OR51B5: variants seen among roughly 807,000 people sequenced by gnomAD.
OR51B5 encodes olfactory receptor family 51 subfamily B member 5.
For synonymous variants in OR51B5, 186 were observed against 144.8 expected (o/e 1.28, Z -2.04); for missense variants, 456 against 374.6 (o/e 1.22, Z -1.79).
Position 5,475,657 on chromosome 11 carries a change from C to T in OR51B5, n.84+29912G>A, listed in dbSNP as rs538065251. On this transcript the variant is annotated intron_variant and non_coding_transcript_variant, in intron 1 of 4. Coordinates refer to the OR51B5 transcript ENST00000415970. ...GATCTAACATAAATGGAAAAGTATGCATTTATTGCCTTTCTTCTATGTTAT... is the reference window on the plus strand; with the variant it reads ...GATCTAACATAAATGGAAAAGTATGTATTTATTGCCTTTCTTCTATGTTAT... 1.2e-3 allele frequency among the ~76,000 whole-genome samples: 181 copies of T among 152,268 alleles called. 1 individual carries two copies. The highest frequency in any genetic ancestry group is 2.0e-3 in the Non-Finnish European group (136 of 68,018).
chr11:5,367,319 C>T (rs1849385166), intron 1 of OR51B5, among the ~76,000 whole-genome samples: 1 of 152,130 alleles, frequency 6.6e-6, no homozygotes, highest in Non-Finnish European at 1.5e-5. Context: ...AAAGTGAAAG[C>T]AAGTTAATTA....
intron 1 of OR51B5, among the ~76,000 whole-genome samples, chr11:5,401,817 T>C (rs558756979): frequency 0.015 from 2,281 of 149,494 alleles, 49 homozygotes; most frequent in African/African-American, 0.05. Flanking sequence ...TTCTTTTCTT[T>C]CTTTTTCTAT....
intron 1 of OR51B5, among the ~76,000 whole-genome samples, chr11:5,373,832 C>G (rs984839032): frequency 2.0e-5 from 3 of 152,214 alleles, no homozygotes; most frequent in African/African-American, 7.2e-5. Flanking sequence ...CCAGGAAGCT[C>G]AAACTGGGTG....
upstream of OR51B5, among the ~76,000 whole-genome samples, chr11:5,347,532 T>A (rs145054543): frequency 2.5e-4 from 38 of 152,334 alleles, no homozygotes; most frequent in East Asian, 6.2e-3. Flanking sequence ...CACTTTGTGA[T>A]GGCAATTATT....
chr11:5,473,907 A>T lies in OR51B5; in HGVS notation n.84+31662T>A, dbSNP rs147281473. Reference sequence around the variant, plus strand: ...AATGTGTGCATGAGAATGGGGAGAGAGTGTGCACGGGAAAGTACCTGTAGT... The same window carrying T: ...AATGTGTGCATGAGAATGGGGAGAGTGTGTGCACGGGAAAGTACCTGTAGT... On this transcript the variant is annotated intron_variant and non_coding_transcript_variant, in intron 1 of 4. Coordinates refer to the OR51B5 transcript ENST00000415970. 6.1e-3 allele frequency among the ~76,000 whole-genome samples: 933 copies of T among 151,750 alleles called. 9 individuals carry two copies. Among genetic ancestry groups the T allele is most frequent in the African/African-American group, 0.021 (859 of 41,380 alleles).
intron 1 of OR51B5, among the ~76,000 whole-genome samples, chr11:5,396,224 A>G (rs867027262): frequency 2.1e-4 from 32 of 152,302 alleles, no homozygotes; most frequent in South Asian, 2.1e-4. Context: ...GGCCCGGGCA[A>G]TCGGGCAGGA....
chr11:5,352,229 C>G, intron 1 of OR51B5: 1 of 1,614,184 alleles, frequency 6.2e-7, no homozygotes. Flanking sequence ...ACATGTGTCT[C>G]TCATATCTGC....
chr11:5,418,094 T>C (rs1285440845), intron 1 of OR51B5, among the ~76,000 whole-genome samples: 3 of 151,220 alleles, frequency 2.0e-5, no homozygotes, highest in Non-Finnish European at 4.4e-5. Flanking sequence ...GATGAGTTCA[T>C]GTCCTTTGTA....
At chr11:5,427,172 C>T (rs945438667) in intron 1 of OR51B5, among the ~76,000 whole-genome samples, 2 of 104,912 alleles carry the variant, frequency 1.9e-5, no homozygotes, top group Admixed American at 1.0e-4. Context: ...TGGTATATAC[C>T]GACCGTCCAA....
At chr11:5,408,363 C>T (rs1185413564) in intron 1 of OR51B5, among the ~76,000 whole-genome samples, 2 of 60,690 alleles carry the variant, frequency 3.3e-5, no homozygotes, top group African/African-American at 7.1e-5. Flanking sequence ...TTCCTCCCTT[C>T]CTCCCTCCCT....
chr11:5,486,471 T>G (rs1342813752), intron 1 of OR51B5, among the ~76,000 whole-genome samples: 3 of 95,978 alleles, frequency 3.1e-5, no homozygotes, highest in Non-Finnish European at 6.3e-5. Context: ...AGGGAAGAAA[T>G]GTGGGGGCAT....
chr11:5,446,382 ATTCT>A (rs1402313512), intron 1 of OR51B5, among the ~76,000 whole-genome samples: 1 of 152,266 alleles, frequency 6.6e-6, no homozygotes, highest in East Asian at 1.9e-4. Flanking sequence ...TCACTGTGAA[ATTCT>A]TTCAAGTTTT....
intron 1 of OR51B5, among the ~76,000 whole-genome samples, chr11:5,361,824 T>C (rs574537632): frequency 3.3e-4 from 50 of 152,320 alleles, no homozygotes; most frequent in African/African-American, 7.0e-4. Context: ...TTCCAGACTC[T>C]GGTTTGGATT....
chr11:5,455,014 A>T (rs1564819057), intron 1 of OR51B5: 1 of 152,400 alleles, frequency 6.6e-6, no homozygotes, highest in Admixed American at 6.5e-5. Context: ...TCAAACACTC[A>T]TACATTGCTT....
intron 1 of OR51B5, among the ~76,000 whole-genome samples, chr11:5,496,529 A>T (rs1161721323): frequency 6.6e-6 from 1 of 152,098 alleles, no homozygotes; most frequent in Non-Finnish European, 1.5e-5. Flanking sequence ...ACCTCTTCTG[A>T]ATACTGCCAA....
chr11:5,459,344 G>A (rs543576244), intron 1 of OR51B5, among the ~76,000 whole-genome samples: 1 of 152,156 alleles, frequency 6.6e-6, no homozygotes, highest in African/African-American at 2.4e-5. Flanking sequence ...ATGTGCTGCT[G>A]GATTAAGTTT....
intron 1 of OR51B5, among the ~76,000 whole-genome samples, chr11:5,433,375 A>G (rs146988032): frequency 2.0e-4 from 30 of 152,354 alleles, no homozygotes; most frequent in African/African-American, 7.0e-4. Context: ...ATAACAGTGA[A>G]GTAGGAAGGG....
chr11:5,352,012 T>G (rs5006885), intron 1 of OR51B5: 409,907 of 1,602,270 alleles, frequency 0.26, 55,126 homozygotes, highest in African/African-American at 0.32. Context: ...CTACTGTCGA[T>G]CCCATGTACT....
At chr11:5,502,807 G>T (rs1846315376) in intron 1 of OR51B5, among the ~76,000 whole-genome samples, 1 of 152,188 alleles carries the variant, frequency 6.6e-6, no homozygotes. Flanking sequence ...ATAGAACAGT[G>T]CCTAGTTTTC....
Sources: gnomAD v4.1 joint callset for allele counts (sites outside exome capture counted in the v4.1 genomes callset) on GRCh38, gnomAD v4.1.1 for gene constraint, MANE v1.5 for transcripts, NCBI Gene and HGNC (gene_info 2026-07-23, HGNC 2026-07-21) for gene names.